Variants in HPSE2 observed in about 807,000 individuals in gnomAD.
The protein encoded by HPSE2 is heparanase 2 (inactive), also known as inactive heparanase-2.
A neutral mutation model predicts 60.5 loss-of-function variants in HPSE2; 38 were observed. The ratio of observed to expected loss-of-function variants is 0.63; its 90% CI spans 0.48 to 0.82. The LOEUF (loss-of-function observed/expected upper bound fraction) is 0.82. HPSE2 is among the 40% of genes least tolerant of loss of function. HPSE2 has a pLI of 0.00. For missense variants in HPSE2, 713 were observed against 740.4 expected (o/e 0.96, Z 0.43); for synonymous variants, 295 against 293.2 (o/e 1.01, Z -0.06).
intron 7 of HPSE2, among the ~76,000 whole-genome samples, chr10:98,624,623 T>TA (rs1168476389): frequency 6.6e-6 from 1 of 152,248 alleles, no homozygotes; most frequent in Non-Finnish European, 1.5e-5. Flanking sequence ...TGTATCATGA[T>TA]ACAGTTATTT....
chr10:98,881,856 T>C (rs1328529002), intron 3 of HPSE2, among the ~76,000 whole-genome samples: 1 of 152,078 alleles, frequency 6.6e-6, no homozygotes, highest in Non-Finnish European at 1.5e-5. Context: ...TAGATTACAT[T>C]ATTTTTTAGT....
the HPSE2 span, among the ~76,000 whole-genome samples, chr10:99,306,621 G>A: frequency 6.6e-6 from 1 of 152,194 alleles, no homozygotes; most frequent in East Asian, 1.9e-4. Context: ...GACCTCCACA[G>A]GGCAACCATA....
At chr10:98,799,272 G>A (rs1950851119) in intron 3 of HPSE2, among the ~76,000 whole-genome samples, 1 of 152,174 alleles carries the variant, frequency 6.6e-6, no homozygotes, top group African/African-American at 2.4e-5. Flanking sequence ...CAATACTGGA[G>A]TGCCCAGATA....
At chr10:98,524,626 A>G (rs1942905841) in intron 9 of HPSE2, among the ~76,000 whole-genome samples, 2 of 152,202 alleles carry the variant, frequency 1.3e-5, no homozygotes, top group South Asian at 4.1e-4. Flanking sequence ...TTTTTCTTTC[A>G]GTTCTTCCTT....
At chr10:99,050,164 T>C (rs1957956697) in intron 3 of HPSE2, among the ~76,000 whole-genome samples, 1 of 152,108 alleles carries the variant, frequency 6.6e-6, no homozygotes, top group Admixed American at 6.6e-5. Flanking sequence ...TAGTCAGGCA[T>C]GGTGACATGC....
chr10:98,910,521 T>C (rs1010318867), intron 3 of HPSE2, among the ~76,000 whole-genome samples: 13 of 152,196 alleles, frequency 8.5e-5, no homozygotes, highest in Non-Finnish European at 1.8e-4. Context: ...TTGTATGCTA[T>C]ATTAAATAAC....
chr10:98,938,453 A>G (rs1954879363), intron 3 of HPSE2, among the ~76,000 whole-genome samples: 1 of 144,366 alleles, frequency 6.9e-6, no homozygotes, highest in African/African-American at 2.8e-5. Flanking sequence ...CAGAAGCCTC[A>G]GGAGCCAATG....
chr10:98,764,714 G>A (rs866372492), intron 3 of HPSE2, among the ~76,000 whole-genome samples: 6 of 151,930 alleles, frequency 3.9e-5, no homozygotes, highest in East Asian at 3.9e-4. Flanking sequence ...AAAATTAGCC[G>A]GGTGTGGTGG....
intron 11 of HPSE2, among the ~76,000 whole-genome samples, chr10:98,481,733 A>G (rs969400171): frequency 2.6e-5 from 4 of 152,154 alleles, no homozygotes; most frequent in Admixed American, 6.5e-5. Flanking sequence ...TATAGCACAA[A>G]TATTTGTGGG....
chr10:98,704,428 A>C (rs200631086), intron 5 of HPSE2, among the ~76,000 whole-genome samples: 78 of 600 alleles, frequency 0.13, 2 homozygotes, highest in East Asian at 0.5. Context: ...ATATGGAACA[A>C]AAAAAAAAAA....
chr10:99,239,242 G>A (rs867541551), upstream of HPSE2, among the ~76,000 whole-genome samples: 1 of 151,874 alleles, frequency 6.6e-6, no homozygotes. Context: ...CCTTGGAAAC[G>A]CTCTGCTTAG....
At chr10:99,196,407 A>C (rs1318925579) in intron 2 of HPSE2, among the ~76,000 whole-genome samples, 1 of 152,182 alleles carries the variant, frequency 6.6e-6, no homozygotes, top group East Asian at 1.9e-4. Context: ...TTCAACCAAC[A>C]AAGTGAAGAG....
chr10:98,861,916 A>C (rs557740078), intron 3 of HPSE2, among the ~76,000 whole-genome samples: 1 of 152,188 alleles, frequency 6.6e-6, no homozygotes, highest in African/African-American at 2.4e-5. Context: ...TTTAAAAATC[A>C]GCTGGTGGGA....
intron 3 of HPSE2, among the ~76,000 whole-genome samples, chr10:98,829,873 ATTTC>A (rs1256688604): frequency 6.6e-6 from 1 of 151,734 alleles, no homozygotes; most frequent in African/African-American, 2.4e-5. Flanking sequence ...TTAAAATTTT[ATTTC>A]TTCTAAGAAA....
At chr10:98,540,665 T>G (rs1361692404) in intron 9 of HPSE2, among the ~76,000 whole-genome samples, 1 of 152,166 alleles carries the variant, frequency 6.6e-6, no homozygotes, top group Non-Finnish European at 1.5e-5. Context: ...CATAAATAAC[T>G]GAAATAGATA....
At chr10:98,757,744 T>C (rs1459478771) in intron 3 of HPSE2, among the ~76,000 whole-genome samples, 4 of 152,168 alleles carry the variant, frequency 2.6e-5, no homozygotes, top group African/African-American at 9.7e-5. Flanking sequence ...AGAATCAATA[T>C]TGTTAAAATG....
At chr10:98,785,650 C>A (rs1300629540) in intron 3 of HPSE2, among the ~76,000 whole-genome samples, 1 of 148,268 alleles carries the variant, frequency 6.7e-6, no homozygotes, top group Non-Finnish European at 1.5e-5. Context: ...AGAGAGTCAA[C>A]TTCTTCCTGG....
chr10:98,560,145 T>G (rs527239053), intron 9 of HPSE2, among the ~76,000 whole-genome samples: 9 of 152,172 alleles, frequency 5.9e-5, no homozygotes, highest in Non-Finnish European at 8.8e-5. Context: ...TGTTCATCTC[T>G]CCTACTCTCT....
In HPSE2 at chr10:98,459,667, G is replaced by T; in HGVS notation, c.1686C>A (p.Pro562=). 3.1e-6 allele frequency: 5 copies of T among 1,614,138 alleles called. No individual in the cohort carries two copies. Among genetic ancestry groups the T allele is most frequent in the Non-Finnish European group, 4.2e-6 (5 of 1,180,018 alleles). ...TGACCAATGTCCGGCCGGCCCGAAG[G>T]GGGCGGGGCTTCAATTCTGGGAGGG... The part of the protein sequence containing the change: ...DGTLPELKPR[P]LRAGRTLVIP... The change falls in exon 12 of 12, where the codon CCC becomes CCA. Residue 562 remains proline (P), a synonymous_variant. Transcript: ENST00000370552.
Sources: allele counts gnomAD v4.1 joint callset (sites outside exome capture counted in the v4.1 genomes callset), GRCh38; gene constraint gnomAD v4.1.1; transcripts MANE v1.5; gene names NCBI Gene and HGNC (gene_info 2026-07-23, HGNC 2026-07-21).